The following CYTH3 variants were observed in gnomAD, a reference collection of about 807,000 sequenced individuals.
CYTH3 encodes the protein cytohesin 3, also known as cytohesin-3.
CYTH3 carries 23 observed loss-of-function variants against 55.1 expected under a neutral mutation model. The ratio of observed to expected loss-of-function variants is 0.42; its 90% CI spans 0.30 to 0.59. The LOEUF (loss-of-function observed/expected upper bound fraction) is 0.59. CYTH3 is among the 20% of genes least tolerant of loss of function. CYTH3 has a pLI of 0.20. For synonymous variants in CYTH3, 249 were observed against 194.9 expected, an observed-to-expected ratio of 1.28 and a Z score of -2.31; for missense variants, 413 against 524.8, an observed-to-expected ratio of 0.79 and a Z score of 2.08.
intron 5 of CYTH3, among the ~76,000 whole-genome samples, chr7:6,174,351 G>C (rs906003291): frequency 6.6e-6 from 1 of 150,518 alleles, no homozygotes; most frequent in Admixed American, 6.6e-5. Context: ...CCGACCTCAG[G>C]TGATCCGCCC....
chr7:6,195,662 A>C (rs1783907053), intron 1 of CYTH3, among the ~76,000 whole-genome samples: 1 of 152,026 alleles, frequency 6.6e-6, no homozygotes, highest in African/African-American at 2.4e-5. Flanking sequence ...GCAATCCTCT[A>C]TGTCAAGCAA....
At position 6,169,738 on chromosome 7, in the gene CYTH3, G is replaced by A. The variant is rs10216197; in HGVS notation, c.823+797C>T. ...CTCCAAAGGCCTTTAGAGCACTCCC[G>A]AAATCTCTCCATGCGCTGCTGGGTT... On this transcript the variant is annotated intron_variant, in intron 9 of 12. Coordinates refer to ENST00000350796, the MANE Select transcript of CYTH3 (RefSeq NM_004227.4). This position sits in a 1 kb window ranked among gnomAD's most constrained non-coding sequence, Gnocchi z 4.1. Among the ~76,000 whole-genome samples the A allele has an allele frequency of 1.6e-3, 250 of 152,258 alleles. 1 individual carries two copies. Among genetic ancestry groups the A allele is most frequent in the African/African-American group, 5.3e-3 (219 of 41,538 alleles).
At chr7:6,165,181 T>C in intron 12 of CYTH3, 92 bp downstream of exon 12, 1 of 1,559,256 alleles carries the variant, frequency 6.4e-7, no homozygotes, top group Admixed American at 1.9e-5. Flanking sequence ...GGTCCACTCT[T>C]GCACACGGAA....
chr7:6,224,266 C>G (rs1779178433), intron 1 of CYTH3, among the ~76,000 whole-genome samples: 1 of 143,128 alleles, frequency 7.0e-6, no homozygotes, highest in African/African-American at 2.6e-5. Context: ...AATATGTACA[C>G]AGTCCCTGAA....
intron 5 of CYTH3, among the ~76,000 whole-genome samples, chr7:6,174,919 G>A (rs1466218714): frequency 6.6e-6 from 1 of 152,142 alleles, no homozygotes; most frequent in Non-Finnish European, 1.5e-5. Flanking sequence ...TTGGCCACTT[G>A]TGTAACGTCT....
At chr7:6,254,877 G>C (rs1051452092) in intron 1 of CYTH3, among the ~76,000 whole-genome samples, 1 of 152,192 alleles carries the variant, frequency 6.6e-6, no homozygotes, top group African/African-American at 2.4e-5. Flanking sequence ...AGGATTCATC[G>C]TACCATTCCT....
chr7:6,246,232 AT>A (rs113021891), intron 1 of CYTH3, among the ~76,000 whole-genome samples: 5,236 of 141,070 alleles, frequency 0.037, 211 homozygotes, highest in African/African-American at 0.11. Context: ...CACCTGGATA[AT>A]TTTTTTTTTT....
At chr7:6,261,689 CAAAAAAA>C (rs71549614) in intron 1 of CYTH3, among the ~76,000 whole-genome samples, 7 of 47,490 alleles carry the variant, frequency 1.5e-4, no homozygotes, top group Admixed American at 2.6e-4. Flanking sequence ...GACCCTGTCT[CAAAAAAA>C]AAAAAAAAAA....
chr7:6,267,801 C>T (rs547407086), intron 1 of CYTH3, among the ~76,000 whole-genome samples: 2 of 152,216 alleles, frequency 1.3e-5, no homozygotes, highest in Non-Finnish European at 2.9e-5. Flanking sequence ...GGATTACAGG[C>T]GTGAGCCATT....
chr7:6,192,256 C>T (rs1036171385), intron 1 of CYTH3, among the ~76,000 whole-genome samples: 37 of 152,124 alleles, frequency 2.4e-4, no homozygotes, highest in Admixed American at 6.6e-5. Context: ...ACTCTGCTGG[C>T]CAGGATCTCA....
At chr7:6,271,388 G>A (rs1263527405) in intron 1 of CYTH3, among the ~76,000 whole-genome samples, 3 of 151,998 alleles carry the variant, frequency 2.0e-5, no homozygotes, top group African/African-American at 7.3e-5. Flanking sequence ...CAGCTGCACC[G>A]GCAGCCTGTA....
intron 1 of CYTH3, among the ~76,000 whole-genome samples, chr7:6,235,245 G>A (rs1779489347): frequency 6.6e-6 from 1 of 152,178 alleles, no homozygotes; most frequent in Non-Finnish European, 1.5e-5. Context: ...GGATGCCAAG[G>A]CGAGCACATC....
intron 1 of CYTH3, among the ~76,000 whole-genome samples, chr7:6,236,562 GTTGTTT>G (rs1486541288): frequency 6.8e-6 from 1 of 148,116 alleles, no homozygotes; most frequent in Non-Finnish European, 1.5e-5. Flanking sequence ...TTTTATTGTT[GTTGTTT>G]TTGTTTTTTA....
intron 2 of CYTH3, 88 bp from the exon 3 acceptor site, chr7:6,187,809 C>G: frequency 9.3e-7 from 1 of 1,075,390 alleles, no homozygotes; most frequent in Non-Finnish European, 1.4e-6. Flanking sequence ...TTGTGACAAG[C>G]TTCCCTGCGG....
At chr7:6,166,603 T>C (rs910250849) in intron 9 of CYTH3, among the ~76,000 whole-genome samples, 5 of 152,122 alleles carry the variant, frequency 3.3e-5, no homozygotes, top group Non-Finnish European at 5.9e-5. Flanking sequence ...CAAGACTGTG[T>C]GCGAAGGGCT....
At chr7:6,266,329 A>G (rs1470139579) in intron 1 of CYTH3, among the ~76,000 whole-genome samples, 1 of 152,186 alleles carries the variant, frequency 6.6e-6, no homozygotes, top group Non-Finnish European at 1.5e-5. Context: ...TAGCTTCCCT[A>G]TGCCTCCATT....
chr7:6,220,404 C>A lies in CYTH3; in HGVS notation c.35-29873G>T, dbSNP rs975138110. Among the ~76,000 whole-genome samples, 4 of 151,828 alleles carry A rather than the reference C, an allele frequency of 2.6e-5. No homozygotes were observed. The East Asian group carries it at 7.7e-4, about 29-fold the overall frequency. On this transcript the variant is annotated intron_variant, in intron 1 of 12. Coordinates refer to ENST00000350796, the MANE Select transcript of CYTH3 (RefSeq NM_004227.4). ...CTTTAAAAGAAAACATGAGAAAAAT[C>A]TTTGAGAGCGAAGGCTTAGTAATGA...
intron 1 of CYTH3, among the ~76,000 whole-genome samples, chr7:6,253,007 AC>A (rs764142481): frequency 5.9e-5 from 9 of 152,272 alleles, no homozygotes; most frequent in East Asian, 1.9e-4. Context: ...CCTTCTGGTT[AC>A]CAACTTAATC....
intron 1 of CYTH3, among the ~76,000 whole-genome samples, chr7:6,228,454 G>A (rs1779305690): frequency 6.6e-6 from 1 of 152,188 alleles, no homozygotes; most frequent in Non-Finnish European, 1.5e-5. Context: ...AAGTCTTTGT[G>A]AGAAAAGAAT....
Sources: allele counts gnomAD v4.1 joint callset (sites outside exome capture counted in the v4.1 genomes callset), GRCh38; gene constraint gnomAD v4.1.1; non-coding constraint Gnocchi (gnomAD v3.1); transcripts MANE v1.5; gene names NCBI Gene and HGNC (gene_info 2026-07-23, HGNC 2026-07-21).